Variants in ENPP2 observed in about 807,000 individuals in gnomAD.
ENPP2 encodes autotaxin.
A neutral mutation model predicts 120.2 loss-of-function variants in ENPP2; 51 were observed. That is an observed-to-expected ratio of 0.42 (90% confidence interval 0.34 to 0.54). The LOEUF is 0.54. Among genes scored for constraint, ENPP2 ranks in the 20% least tolerant of loss-of-function variants. ENPP2 has a pLI of 0.04. For synonymous variants in ENPP2, 365 were observed against 366.4 expected, an observed-to-expected ratio of 1.00 and a Z score of 0.04; for missense variants, 920 against 1,066.5, an observed-to-expected ratio of 0.86 and a Z score of 1.91.
chr8:119,672,893 G>A (rs1166211751), intron 1 of ENPP2, among the ~76,000 whole-genome samples: 3 of 152,160 alleles, frequency 2.0e-5, no homozygotes, highest in East Asian at 3.9e-4. Flanking sequence ...CCGTCTCGCC[G>A]CCCAGGAGGG....
intron 8 of ENPP2, among the ~76,000 whole-genome samples, chr8:119,612,491 A>AT (rs796462679): frequency 7.9e-4 from 120 of 152,108 alleles, no homozygotes; most frequent in African/African-American, 2.8e-3. Context: ...CATTTCTTGC[A>AT]TTTTTTCACT....
rs1813232751 is a variant in ENPP2, at chr8:119,588,001, C to T, written c.1208-926G>A. Among the ~76,000 whole-genome samples the T allele has an allele frequency of 3.3e-5, 5 of 152,220 alleles. No individual in the cohort carries two copies. The South Asian group carries it at 1.0e-3, about 32-fold the overall frequency. On this transcript the variant is annotated intron_variant, in intron 13 of 24. Coordinates refer to ENST00000075322, the MANE Select transcript of ENPP2 (RefSeq NM_001040092.3). ...CTGTTCAGAGTAGACACTCAATATA[C>T]ATTTGTTAATAAATATTTGTTCATA...
intron 1 of ENPP2, among the ~76,000 whole-genome samples, chr8:119,668,580 C>T (rs985099732): frequency 2.0e-5 from 3 of 151,826 alleles, no homozygotes; most frequent in African/African-American, 7.3e-5. Context: ...AGGCACTTGC[C>T]ACCATGCCCA....
In ENPP2 at chr8:119,557,393, A is replaced by T; in HGVS notation, c.*128T>A. The T allele has an allele frequency of 1.4e-6, 1 of 722,488 alleles. No homozygotes were observed. The highest frequency in any genetic ancestry group is 2.2e-6 in the Non-Finnish European group (1 of 453,422). 44.8% of individuals were successfully genotyped at this position (722,488 alleles called of 1,614,324 possible). A position where few individuals can be genotyped will look rare whatever the true frequency, so the allele number is the denominator to read the frequency against. ...AAAACAGTGGAGTCATTCAGGCATA[A>T]TATGTCAGATTTGGTACAGGATTAA... On this transcript the variant is annotated 3_prime_UTR_variant, in exon 25 of 25. Coordinates refer to ENST00000075322, the MANE Select transcript of ENPP2 (RefSeq NM_001040092.3).
chr8:119,643,890 C>T (rs1335677497), intron 1 of ENPP2, among the ~76,000 whole-genome samples: 1 of 151,878 alleles, frequency 6.6e-6, no homozygotes, highest in Non-Finnish European at 1.5e-5. Context: ...GAGTGAGTAA[C>T]CAGATTAAGA....
In ENPP2 at chr8:119,610,085, TG is replaced by T. The variant is rs2130650178; in HGVS notation, c.778-2109del. ...ATGACAGGGTATGTTAAAATTATTA[TG>T]ATGGCAAAATTAAGATCATTTGTTC... On this transcript the variant is annotated intron_variant, in intron 8 of 24. Coordinates refer to ENST00000075322, the MANE Select transcript of ENPP2 (RefSeq NM_001040092.3). Among the ~76,000 whole-genome samples the T allele has an allele frequency of 1.3e-5, 2 of 152,264 alleles. 1 individual carries two copies. The highest frequency in any genetic ancestry group is 4.1e-4 in the South Asian group (2 of 4,824).
chr8:119,588,033 A>T (rs1813235223), intron 13 of ENPP2, among the ~76,000 whole-genome samples: 1 of 152,194 alleles, frequency 6.6e-6, no homozygotes, highest in Non-Finnish European at 1.5e-5. Flanking sequence ...CATATTTGTT[A>T]AAAATGTATG....
In ENPP2 at chr8:119,557,256, G is replaced by T. The variant is rs191114947; in HGVS notation, c.*265C>A. On this transcript the variant is annotated 3_prime_UTR_variant, in exon 25 of 25. Transcript: ENST00000075322. ...ATTGGAAAATTAATATTTCCTCAAT[G>T]CAAATATCAAATCTGCAGCACCATT... 199 of 380,316 alleles carry T rather than the reference G, an allele frequency of 5.2e-4. No homozygotes were observed. The highest frequency in any genetic ancestry group is 4.0e-3 in the African/African-American group (187 of 47,008). The allele number at this position is 380,316 out of a possible 1,614,324, so 23.6% of individuals were successfully genotyped here.
At chr8:119,567,698 G>C (rs2130035497) in intron 22 of ENPP2, among the ~76,000 whole-genome samples, 1 of 152,334 alleles carries the variant, frequency 6.6e-6, no homozygotes, top group East Asian at 1.9e-4. Flanking sequence ...ATCACCCCAA[G>C]AGGAAGAGGT....
intron 1 of ENPP2, among the ~76,000 whole-genome samples, chr8:119,670,475 C>A (rs193040169): frequency 6.6e-6 from 1 of 152,296 alleles, no homozygotes; most frequent in African/African-American, 2.4e-5. Flanking sequence ...CCACCTGGGT[C>A]TAAGCACTAA....
At chr8:119,602,182 G>T (rs114186856) in intron 9 of ENPP2, among the ~76,000 whole-genome samples, 1 of 152,218 alleles carries the variant, frequency 6.6e-6, no homozygotes, top group Admixed American at 6.5e-5. Flanking sequence ...AATAGGCCAG[G>T]TGCAGTGGCT....
chr8:119,638,810 C>G lies in ENPP2; in HGVS notation c.-30G>C, dbSNP rs780785447. 9 of 1,613,828 alleles carry G rather than the reference C, an allele frequency of 5.6e-6. No individual in the cohort carries two copies. Among genetic ancestry groups the G allele is most frequent in the Non-Finnish European group, 7.6e-6 (9 of 1,179,808 alleles). ...AGGATTCTTGGAAAGCCTTTTGCAG[C>G]GTGTTCTCTTTGCCTTCACGGAGTG... On this transcript the variant is annotated 5_prime_UTR_variant, in exon 1 of 25. Transcript: ENST00000075322.
chr8:119,631,097 T>C (rs1816635786), intron 2 of ENPP2, among the ~76,000 whole-genome samples: 1 of 151,338 alleles, frequency 6.6e-6, no homozygotes. Flanking sequence ...GGTTTCACCA[T>C]GTTGGTCAGG....
At chr8:119,590,721 A>G (rs934251735) in intron 12 of ENPP2, 91 bp from the exon 13 acceptor site, 1 of 952,632 alleles carries the variant, frequency 1.0e-6, no homozygotes. Flanking sequence ...GCATCTCTTT[A>G]GTTAGTTTTT....
intron 2 of ENPP2, among the ~76,000 whole-genome samples, chr8:119,634,840 A>G (rs1816903052): frequency 6.6e-6 from 1 of 152,246 alleles, no homozygotes; most frequent in Admixed American, 6.5e-5. Flanking sequence ...TGTAAACTAG[A>G]TAGAGGAGTC....
chr8:119,667,435 T>C (rs1042136635), intron 1 of ENPP2, among the ~76,000 whole-genome samples: 2 of 152,240 alleles, frequency 1.3e-5, no homozygotes, highest in African/African-American at 4.8e-5. Context: ...CTTTCATTCA[T>C]TCATCCTGCC....
At chr8:119,593,117 T>C (rs1813656500) in intron 12 of ENPP2, 1 of 169,830 alleles carries the variant, frequency 5.9e-6, no homozygotes, top group Admixed American at 6.5e-5. Context: ...ATAATGTTTA[T>C]GATGCTCTTG....
chr8:119,561,347 T>C (rs1350983578), intron 24 of ENPP2, among the ~76,000 whole-genome samples: 1 of 152,216 alleles, frequency 6.6e-6, no homozygotes, highest in Non-Finnish European at 1.5e-5. Flanking sequence ...TGCCTAGGAA[T>C]AGTGACTCTG....
At chr8:119,667,422 G>T (rs1818105817) in intron 1 of ENPP2, among the ~76,000 whole-genome samples, 2 of 152,064 alleles carry the variant, frequency 1.3e-5, no homozygotes, top group African/African-American at 4.8e-5. Context: ...TATTCATTTG[G>T]CTCTTTCATT....
Sources: allele counts gnomAD v4.1 joint callset (sites outside exome capture counted in the v4.1 genomes callset), GRCh38; gene constraint gnomAD v4.1.1; transcripts MANE v1.5; gene names NCBI Gene and HGNC (gene_info 2026-07-23, HGNC 2026-07-21).